Variants in PDE10A observed in about 807,000 individuals in gnomAD.
The protein encoded by PDE10A is phosphodiesterase 10A.
In PDE10A, 39 loss-of-function variants were observed where a neutral mutation model predicts 97.7. That is an observed-to-expected ratio of 0.40 (90% CI 0.31 to 0.52). The LOEUF (loss-of-function observed/expected upper bound fraction) is 0.52. Among genes scored for constraint, PDE10A ranks in the 20% least tolerant of loss-of-function variants. PDE10A has a pLI of 0.56. For synonymous variants in PDE10A, 371 were observed against 376.8 expected, an observed-to-expected ratio of 0.98 and a Z score of 0.18; for missense variants, 731 against 1,047.8, an observed-to-expected ratio of 0.70 and a Z score of 4.17.
At chr6:165,608,007 T>C (rs1484480580) in intron 1 of PDE10A, among the ~76,000 whole-genome samples, 2 of 151,792 alleles carry the variant, frequency 1.3e-5, no homozygotes, top group Non-Finnish European at 2.9e-5. Context: ...CCAGGACTCA[T>C]ATTATTCTAC....
chr6:165,340,348 A>T (rs897606630), intron 19 of PDE10A, among the ~76,000 whole-genome samples: 1 of 152,180 alleles, frequency 6.6e-6, no homozygotes, highest in Non-Finnish European at 1.5e-5. Flanking sequence ...ACAGCCTAGA[A>T]ACTTCCCAGA....
chr6:165,368,370 C>T (rs2128198384), intron 18 of PDE10A, among the ~76,000 whole-genome samples: 1 of 152,182 alleles, frequency 6.6e-6, no homozygotes, highest in East Asian at 1.9e-4. Flanking sequence ...GGGTGTATAA[C>T]ATATGCAGCA....
At chr6:165,810,353 T>C (rs1318536439) in intron 1 of PDE10A, among the ~76,000 whole-genome samples, 3 of 151,864 alleles carry the variant, frequency 2.0e-5, no homozygotes, top group Non-Finnish European at 4.4e-5. Context: ...AAATGTGGCC[T>C]CTCTTCTGCA....
rs1229736384 is a variant in PDE10A at position 165,476,258 on chromosome 6, T to C, written c.1023+6057A>G. The stretch of plus-strand genomic sequence containing the variant: ...TTGGGATGTCGTGTGAGACGGAAGA[T>C]ATGCAAAATGAATATAAAGAAAGCA... On this transcript the variant is annotated intron_variant, in intron 3 of 21. Coordinates refer to ENST00000539869, the MANE Select transcript of PDE10A (RefSeq NM_001385079.1). Among the ~76,000 whole-genome samples the C allele has an allele frequency of 2.0e-5, 3 of 152,030 alleles. No homozygotes were observed. The East Asian group carries it at 5.8e-4, about 29-fold the overall frequency.
At chr6:165,632,878 C>T (rs1385353238) in intron 1 of PDE10A, among the ~76,000 whole-genome samples, 1 of 151,914 alleles carries the variant, frequency 6.6e-6, no homozygotes, top group Non-Finnish European at 1.5e-5. Flanking sequence ...AGCTGTATAC[C>T]CAAGAATTAC....
intron 1 of PDE10A, among the ~76,000 whole-genome samples, chr6:165,854,149 A>T (rs1446680543): frequency 2.0e-5 from 3 of 152,174 alleles, no homozygotes; most frequent in Non-Finnish European, 4.4e-5. Flanking sequence ...GGCGCAGCGC[A>T]GCGCTGGCTG....
intron 1 of PDE10A, among the ~76,000 whole-genome samples, chr6:165,898,382 C>G (rs753504941): frequency 2.0e-5 from 3 of 152,024 alleles, no homozygotes; most frequent in Non-Finnish European, 2.9e-5. Flanking sequence ...GTCATGGTGC[C>G]AAGGTGCCAG....
At chr6:165,382,964 T>C (rs1347175786) in intron 17 of PDE10A, among the ~76,000 whole-genome samples, 1 of 152,176 alleles carries the variant, frequency 6.6e-6, no homozygotes, top group Non-Finnish European at 1.5e-5. Flanking sequence ...GTACAATAAT[T>C]TTGCTATAAT....
chr6:165,629,270 T>A (rs1468397952), intron 1 of PDE10A, among the ~76,000 whole-genome samples: 3 of 152,108 alleles, frequency 2.0e-5, no homozygotes, highest in Admixed American at 6.5e-5. Context: ...TTCTTAGATA[T>A]CCCAGTGGGA....
intron 1 of PDE10A, among the ~76,000 whole-genome samples, chr6:165,821,973 G>T (rs1179819585): frequency 6.6e-6 from 1 of 152,144 alleles, no homozygotes; most frequent in East Asian, 1.9e-4. Context: ...ATGAGTCGTG[G>T]CATCGTCAGC....
At chr6:165,409,682 G>C (rs1040212435) in intron 13 of PDE10A, 2 of 152,750 alleles carry the variant, frequency 1.3e-5, no homozygotes, top group Non-Finnish European at 2.9e-5. Context: ...GGTCCAGTGC[G>C]GGTGACTACT....
intron 1 of PDE10A, among the ~76,000 whole-genome samples, chr6:165,549,746 C>T (rs1460392406): frequency 6.6e-6 from 1 of 152,052 alleles, no homozygotes; most frequent in African/African-American, 2.4e-5. Flanking sequence ...ATATATTATC[C>T]TAATAAGCCA....
chr6:165,796,643 A>G (rs1778840678), intron 1 of PDE10A, among the ~76,000 whole-genome samples: 1 of 152,176 alleles, frequency 6.6e-6, no homozygotes, highest in South Asian at 2.1e-4. Flanking sequence ...AAATAATAAT[A>G]ATTCTCCAAT....
chr6:165,624,201 C>T (rs1357145809), intron 1 of PDE10A, among the ~76,000 whole-genome samples: 3 of 152,212 alleles, frequency 2.0e-5, no homozygotes, highest in East Asian at 1.9e-4. Context: ...GCCCAGGCCT[C>T]GTGGCCTCAG....
intron 2 of PDE10A, among the ~76,000 whole-genome samples, chr6:165,540,854 T>C (rs1354207343): frequency 6.6e-6 from 1 of 152,158 alleles, no homozygotes; most frequent in South Asian, 2.1e-4. Context: ...GGTCTCGAAC[T>C]CTTGACCTCA....
intron 1 of PDE10A, among the ~76,000 whole-genome samples, chr6:165,927,443 A>T (rs1455721598): frequency 1.3e-5 from 2 of 151,948 alleles, no homozygotes; most frequent in African/African-American, 4.8e-5. Flanking sequence ...TAAGATTTTT[A>T]AAAGGCAGTT....
chr6:165,951,248 T>C (rs1783948117), intron 1 of PDE10A, among the ~76,000 whole-genome samples: 1 of 152,198 alleles, frequency 6.6e-6, no homozygotes, highest in South Asian at 2.1e-4. Flanking sequence ...CACAGGTCAG[T>C]ATATTAAACA....
chr6:165,514,174 T>G (rs545331188), intron 2 of PDE10A, among the ~76,000 whole-genome samples: 1 of 152,344 alleles, frequency 6.6e-6, no homozygotes, highest in African/African-American at 2.4e-5. Flanking sequence ...TTTTACATAT[T>G]ACATTGGTTT....
chr6:165,778,567 G>A (rs558556624), intron 1 of PDE10A, among the ~76,000 whole-genome samples: 1 of 152,128 alleles, frequency 6.6e-6, no homozygotes. Flanking sequence ...TAATGAACAC[G>A]CCTAAGAGTG....
Sources: gnomAD v4.1 joint callset for allele counts (sites outside exome capture counted in the v4.1 genomes callset) on GRCh38, gnomAD v4.1.1 for gene constraint, MANE v1.5 for transcripts, NCBI Gene and HGNC (gene_info 2026-07-23, HGNC 2026-07-21) for gene names.